Variants in IL1RAP observed in about 807,000 individuals in gnomAD.
IL1RAP encodes the protein interleukin 1 receptor accessory protein, also known as interleukin-1 receptor accessory protein.
In IL1RAP, 35 loss-of-function variants were observed where a neutral mutation model predicts 60.7. The observed-to-expected ratio is 0.58, with a 90% CI of 0.44 to 0.76. The LOEUF is 0.76. Among genes scored for constraint, IL1RAP ranks in the 30% least tolerant of loss-of-function variants. The pLI is 0.00. For synonymous variants in IL1RAP, 268 were observed against 250.9 expected, an observed-to-expected ratio of 1.07 and a Z score of -0.64; for missense variants, 572 against 693.9, an observed-to-expected ratio of 0.82 and a Z score of 1.97.
intron 2 of IL1RAP, among the ~76,000 whole-genome samples, chr3:190,560,370 C>T: frequency 6.6e-6 from 1 of 152,224 alleles, no homozygotes; most frequent in South Asian, 2.1e-4. Context: ...TTTCAGTGGG[C>T]AGGTCATAGA....
At chr3:190,629,745 A>G (rs1732623858) in intron 9 of IL1RAP, 6 of 1,189,656 alleles carry the variant, frequency 5.0e-6, no homozygotes, top group Non-Finnish European at 6.3e-6. Context: ...ACGTGAGTAC[A>G]GTGAGACACA....
rs201749115 is a variant in IL1RAP at position 190,648,407 on chromosome 3, A to G, written c.1415A>G (p.Tyr472Cys). The change falls in exon 12 of 12, where the codon TAC (tyrosine) becomes TGC (cysteine). Residue 472 changes from tyrosine to cysteine, a missense_variant. Coordinates refer to ENST00000447382, the MANE Select transcript of IL1RAP (RefSeq NM_002182.4). ...RRLLVVLSPN[Y>C]VLQGTQALLE... ...CTCCTGGTTGTTCTAAGCCCCAACT[A>G]CGTGCTCCAGGGAACCCAAGCCCTC... 6.2e-7 allele frequency: 1 copy of G among 1,613,878 alleles called. No individual in the cohort carries two copies.
In IL1RAP at chr3:190,645,804, A is replaced by G. The variant is rs1222456073; in HGVS notation, c.1307A>G (p.Lys436Arg). 6.2e-7 allele frequency: 1 copy of G among 1,613,840 alleles called. No individual in the cohort carries two copies. Among genetic ancestry groups the G allele is most frequent in the African/African-American group, 1.3e-5 (1 of 75,042 alleles). Residue 436 changes from lysine (K) to arginine (R), a missense_variant, in exon 11 of 12, where the codon AAG (lysine) becomes AGG (arginine). Physicochemically the swap from Lys to Arg is conservative, Grantham distance 26 (BLOSUM62 2). Transcript: ENST00000447382. Reference sequence around the variant, plus strand: ...GTTTTGGAGAATGAATTTGGATACAAGCTGTGCATCTTTGACCGAGACAGT... The same window carrying G: ...GTTTTGGAGAATGAATTTGGATACAGGCTGTGCATCTTTGACCGAGACAGT... ...RGVLENEFGY[K>R]LCIFDRDSLP...
chr3:190,650,467 G>T lies in IL1RAP; in HGVS notation c.*1762G>T. 8 of 982,536 alleles carry T rather than the reference G, an allele frequency of 8.1e-6. No homozygotes were observed. The highest frequency in any genetic ancestry group is 9.7e-6 in the Non-Finnish European group (8 of 827,372). The allele number at this position is 982,536 out of a possible 1,614,324, so 60.9% of individuals were successfully genotyped here. A position where few individuals can be genotyped will look rare whatever the true frequency, so the allele number is the denominator to read the frequency against. The stretch of plus-strand genomic sequence containing the variant: ...TGCTCAACTATTTGAACTGTTGAGT[G>T]ATAAAGGAAACAAATATAACTGTAA... On this transcript the variant is annotated 3_prime_UTR_variant, in exon 12 of 12. Transcript: ENST00000447382.
In IL1RAP at chr3:190,641,199, A is replaced by T. The variant is rs1369579832; in HGVS notation, c.1052-3049A>T. On this transcript the variant is annotated intron_variant, in intron 9 of 11. Transcript: ENST00000447382. ...AGGCTGGTCTCAAACTCCCGACCTC[A>T]GGTGATCCACCGGTCTTGGCCTCCC... Among the ~76,000 whole-genome samples, 4 of 152,202 alleles carry T rather than the reference A, an allele frequency of 2.6e-5. No homozygotes were observed. The South Asian group carries it at 6.2e-4, about 24-fold the overall frequency.
intron 3 of IL1RAP, among the ~76,000 whole-genome samples, chr3:190,591,646 T>C (rs1374079976): frequency 1.3e-5 from 2 of 152,222 alleles, no homozygotes; most frequent in East Asian, 3.9e-4. Context: ...AGAGACTGTA[T>C]ATTTTCTAGA....
chr3:190,554,261 GCAAAAAGGAAA>G (rs958922266), intron 1 of IL1RAP, among the ~76,000 whole-genome samples: 4 of 151,842 alleles, frequency 2.6e-5, no homozygotes, highest in Admixed American at 1.3e-4. Context: ...AATTTATTGG[GCAAAAAGGAAA>G]AAAAAAGGAA....
chr3:190,641,472 A>C (rs1733658051), intron 9 of IL1RAP, among the ~76,000 whole-genome samples: 1 of 152,216 alleles, frequency 6.6e-6, no homozygotes, highest in South Asian at 2.1e-4. Flanking sequence ...ATTATTTAAG[A>C]GTTCGATACG....
chr3:190,595,447 A>G (rs996153368), intron 3 of IL1RAP, among the ~76,000 whole-genome samples: 2 of 152,174 alleles, frequency 1.3e-5, no homozygotes, highest in African/African-American at 4.8e-5. Flanking sequence ...CATTCATTTA[A>G]TGTTGCTAGC....
At chr3:190,518,732 A>G (rs977587537) in intron 1 of IL1RAP, 9 of 152,358 alleles carry the variant, frequency 5.9e-5, no homozygotes, top group African/African-American at 2.2e-4. Context: ...ACTTGTGCAG[A>G]GAAACTCTCA....
rs748756276 is a variant in IL1RAP at position 190,645,674 on chromosome 3, A to G, written c.1202-25A>G. ...GTATTGAGAAACTTTCCTAATTTAC[A>G]TTGTATCTGTGTTCCTTTTGCTAGA... On this transcript the variant is annotated intron_variant, in intron 10 of 11. Transcript: ENST00000447382. 3.8e-5 allele frequency: 59 copies of G among 1,568,030 alleles called. No individual in the cohort carries two copies. In the East Asian group the frequency reaches 1.3e-3, roughly 35 times the overall value.
Position 190,629,357 on chromosome 3 carries a change from C to A in IL1RAP, c.910C>A (p.His304Asn). Residue 304 changes from histidine (H) to asparagine (N), a missense_variant, in exon 9 of 12, where the codon CAT (histidine) becomes AAT (asparagine). Transcript: ENST00000447382. ...IDVTINESISHSRTEDETRTQ... is the reference protein window; with the variant it reads ...IDVTINESISNSRTEDETRTQ... ...TCTTCTCTCTATTTCTAGTATAAGT[C>A]ATAGTAGAACAGAAGATGAAACAAG... The A allele has an allele frequency of 6.3e-7, 1 of 1,599,994 alleles. No individual in the cohort carries two copies.
intron 6 of IL1RAP, among the ~76,000 whole-genome samples, chr3:190,622,843 T>A (rs1384501853): frequency 6.6e-6 from 1 of 152,100 alleles, no homozygotes; most frequent in Non-Finnish European, 1.5e-5. Context: ...GACTGGAAAT[T>A]TCAGCCACAC....
At chr3:190,531,380 C>T (rs1485363542) in intron 1 of IL1RAP, among the ~76,000 whole-genome samples, 2 of 152,132 alleles carry the variant, frequency 1.3e-5, no homozygotes, top group African/African-American at 4.8e-5. Context: ...GTTCTGTTTC[C>T]TCACTTTCCT....
intron 1 of IL1RAP, among the ~76,000 whole-genome samples, chr3:190,522,423 C>G (rs57911411): frequency 1.6e-5 from 1 of 62,366 alleles, no homozygotes; most frequent in Non-Finnish European, 3.9e-5. Context: ...ATCTATGTAT[C>G]TATCTATCTA....
chr3:190,651,630 A>T (rs1734403612), downstream of IL1RAP: 1 of 154,926 alleles, frequency 6.5e-6, no homozygotes, highest in African/African-American at 2.4e-5. Context: ...AAGTTACATT[A>T]GTTAAGTGTC....
chr3:190,573,752 T>A (rs1727208174), intron 3 of IL1RAP, among the ~76,000 whole-genome samples: 1 of 152,224 alleles, frequency 6.6e-6, no homozygotes, highest in East Asian at 1.9e-4. Context: ...AAGAAGACCA[T>A]GTTAAGCTAA....
intron 4 of IL1RAP, 75 bp downstream of exon 4, chr3:190,604,488 A>G (rs2072586): frequency 0.67 from 977,837 of 1,461,220 alleles, 334,801 homozygotes; most frequent in East Asian, 0.82. Flanking sequence ...TCCGTGTGCT[A>G]GGAAGCTGGG....
intron 11 of IL1RAP, among the ~76,000 whole-genome samples, chr3:190,647,825 C>CT (rs1207121041): frequency 6.6e-6 from 1 of 152,190 alleles, no homozygotes. Flanking sequence ...ATGAAGGTCT[C>CT]TAACTTTGTT....
Sources: allele counts gnomAD v4.1 joint callset (sites outside exome capture counted in the v4.1 genomes callset), GRCh38; gene constraint gnomAD v4.1.1; transcripts MANE v1.5; gene names NCBI Gene and HGNC (gene_info 2026-07-23, HGNC 2026-07-21).